CRADD: variants seen among roughly 807,000 people sequenced by gnomAD.
The protein encoded by CRADD is CARD and death domain containing adaptor protein.
Under a neutral mutation model 15.5 loss-of-function variants are expected in CRADD, and 9 were observed. The ratio of observed to expected loss-of-function variants is 0.58; its 90% CI spans 0.35 to 1.01. The LOEUF (loss-of-function observed/expected upper bound fraction) is 1.01. CRADD is among the 50% of genes least tolerant of loss of function. The pLI, the probability that CRADD is intolerant of heterozygous loss-of-function variation, is 0.02. For missense variants in CRADD, 227 were observed against 250.3 expected, an observed-to-expected ratio of 0.91 and a Z score of 0.63; for synonymous variants, 118 against 107.6, an observed-to-expected ratio of 1.10 and a Z score of -0.60.
intron 2 of CRADD, among the ~76,000 whole-genome samples, chr12:93,793,744 A>G (rs1957378262): frequency 6.6e-6 from 1 of 152,226 alleles, no homozygotes; most frequent in Admixed American, 6.5e-5. Flanking sequence ...GATAATTGTC[A>G]AAGCAAGTGA....
At chr12:93,742,388 C>T (rs1257765626) in intron 2 of CRADD, among the ~76,000 whole-genome samples, 5 of 150,848 alleles carry the variant, frequency 3.3e-5, no homozygotes, top group Non-Finnish European at 5.9e-5. Context: ...GCCGGGCACC[C>T]GCGGGCCGCG....
chr12:93,801,591 G>A (rs1368175346), intron 2 of CRADD, among the ~76,000 whole-genome samples: 2 of 152,162 alleles, frequency 1.3e-5, no homozygotes, highest in Non-Finnish European at 2.9e-5. Context: ...TAGAAATGGA[G>A]TTTCACTATG....
intron 2 of CRADD, among the ~76,000 whole-genome samples, chr12:93,793,456 G>T (rs1022398707): frequency 2.6e-5 from 4 of 152,142 alleles, no homozygotes; most frequent in Non-Finnish European, 4.4e-5. Context: ...TCCATTCAGT[G>T]GGCTGTGGGC....
intron 2 of CRADD, among the ~76,000 whole-genome samples, chr12:93,776,520 G>T (rs917873976): frequency 9.9e-5 from 15 of 152,154 alleles, no homozygotes; most frequent in African/African-American, 3.6e-4. Flanking sequence ...TTTTAAAGAG[G>T]ACTTGAAGCC....
chr12:93,682,155 C>T (rs191224417), intron 2 of CRADD, among the ~76,000 whole-genome samples: 1 of 152,234 alleles, frequency 6.6e-6, no homozygotes, highest in Non-Finnish European at 1.5e-5. Flanking sequence ...TTCAATTTAA[C>T]GTCCCTATAA....
chr12:93,765,965 A>G (rs1957022815), intron 2 of CRADD, among the ~76,000 whole-genome samples: 1 of 152,218 alleles, frequency 6.6e-6, no homozygotes, highest in Admixed American at 6.5e-5. Flanking sequence ...AAGAACCGCT[A>G]ACAGAAGCAT....
At chr12:93,793,143 G>A (rs1356886824) in intron 2 of CRADD, among the ~76,000 whole-genome samples, 7 of 152,184 alleles carry the variant, frequency 4.6e-5, no homozygotes, top group Admixed American at 2.6e-4. Context: ...AACTCAAGAC[G>A]TGCACGGGGG....
At chr12:93,713,352 A>G (rs1171057039) in intron 2 of CRADD, among the ~76,000 whole-genome samples, 1 of 152,186 alleles carries the variant, frequency 6.6e-6, no homozygotes, top group East Asian at 1.9e-4. Context: ...GTGGCCATTG[A>G]GCGTGAAAAT....
At chr12:93,808,037 G>A (rs1402881862) in intron 2 of CRADD, among the ~76,000 whole-genome samples, 1 of 150,398 alleles carries the variant, frequency 6.6e-6, no homozygotes, top group African/African-American at 2.4e-5. Context: ...GTAGCATGGG[G>A]GTAGTGTGTG....
chr12:93,757,897 A>G (rs776099469), intron 2 of CRADD, among the ~76,000 whole-genome samples: 53 of 152,214 alleles, frequency 3.5e-4, no homozygotes, highest in Admixed American at 1.0e-3. Context: ...TGAAGAGGCT[A>G]TGGTAGCTGT....
intron 2 of CRADD, among the ~76,000 whole-genome samples, chr12:93,810,493 G>T (rs540424374): frequency 1.4e-5 from 2 of 139,626 alleles, no homozygotes; most frequent in African/African-American, 5.4e-5. Context: ...AGAGGTTCCG[G>T]TGAGCCAAGA....
chr12:93,842,176 T>C (rs928045986), intron 2 of CRADD, among the ~76,000 whole-genome samples: 2 of 152,154 alleles, frequency 1.3e-5, no homozygotes, highest in African/African-American at 2.4e-5. Flanking sequence ...CCCTGGAGAG[T>C]TCCCATTCTC....
chr12:93,773,693 G>A (rs1195661502), intron 2 of CRADD, among the ~76,000 whole-genome samples: 1 of 151,994 alleles, frequency 6.6e-6, no homozygotes, highest in East Asian at 1.9e-4. Context: ...ATCTGTCTCT[G>A]GCTGGCAGGA....
chr12:93,856,050 C>T (rs537078540), intron 2 of CRADD, among the ~76,000 whole-genome samples: 80 of 152,334 alleles, frequency 5.3e-4, no homozygotes, highest in Non-Finnish European at 9.4e-4. Context: ...TCGTGATCCA[C>T]CTGCCTCAGC....
At chr12:93,780,336 A>G (rs1427506440) in intron 2 of CRADD, among the ~76,000 whole-genome samples, 4 of 152,236 alleles carry the variant, frequency 2.6e-5, no homozygotes, top group Non-Finnish European at 4.4e-5. Flanking sequence ...TTCAGGACTG[A>G]GTACTGTAAA....
At chr12:93,739,989 CA>C (rs1185569768) in intron 2 of CRADD, among the ~76,000 whole-genome samples, 5 of 152,006 alleles carry the variant, frequency 3.3e-5, no homozygotes, top group Non-Finnish European at 5.9e-5. Flanking sequence ...CTTTAGAAGA[CA>C]TTTATTGATT....
At chr12:93,872,604 A>C (rs1484479604) in intron 2 of CRADD, among the ~76,000 whole-genome samples, 2 of 152,154 alleles carry the variant, frequency 1.3e-5, no homozygotes, top group Admixed American at 1.3e-4. Flanking sequence ...ATAGGGGTCT[A>C]GTTTCACTCT....
intron 2 of CRADD, among the ~76,000 whole-genome samples, chr12:93,786,665 G>A (rs967219831): frequency 3.3e-5 from 5 of 152,110 alleles, no homozygotes; most frequent in African/African-American, 1.2e-4. Context: ...TTTTCTACTT[G>A]CCAGTAGAGG....
At position 93,712,034 on chromosome 12, in the gene CRADD, G is replaced by T. The variant is rs1956083163; in HGVS notation, c.298+32962G>T. On this transcript the variant is annotated intron_variant, in intron 2 of 2. Coordinates refer to ENST00000332896, the MANE Select transcript of CRADD (RefSeq NM_003805.5). Reference sequence around the variant, plus strand: ...GTCTCCCAAAGTGCTGGGATTACAGGCATGAGCCACCACACCTGGTCTCCT... The same window carrying T: ...GTCTCCCAAAGTGCTGGGATTACAGTCATGAGCCACCACACCTGGTCTCCT... Among the ~76,000 whole-genome samples the T allele has an allele frequency of 2.6e-5, 4 of 152,238 alleles. No homozygotes were observed. The South Asian group carries it at 6.2e-4, about 24-fold the overall frequency.
Sources: gnomAD v4.1 joint callset for allele counts (sites outside exome capture counted in the v4.1 genomes callset) on GRCh38, gnomAD v4.1.1 for gene constraint, MANE v1.5 for transcripts, NCBI Gene and HGNC (gene_info 2026-07-23, HGNC 2026-07-21) for gene names.